The following ARHGEF4 variants were observed in gnomAD, a reference collection of about 807,000 sequenced individuals.
The protein encoded by ARHGEF4 is APC-stimulated guanine nucleotide exchange factor 1.
In ARHGEF4, 119 loss-of-function variants were observed where a neutral mutation model predicts 162.0. That is an observed-to-expected ratio of 0.73 (90% CI 0.63 to 0.86). The LOEUF (loss-of-function observed/expected upper bound fraction) is 0.86, where lower values mean the gene tolerates loss of function less well. ARHGEF4 is among the 40% of genes least tolerant of loss of function. ARHGEF4 has a pLI of 0.00. For missense variants in ARHGEF4, 2,488 were observed against 2,456.0 expected (o/e 1.01, Z -0.28); for synonymous variants, 1,014 against 979.9 (o/e 1.03, Z -0.65).
At chr2:130,908,246 T>C (rs1386276384) in intron 1 of ARHGEF4, among the ~76,000 whole-genome samples, 1 of 152,254 alleles carries the variant, frequency 6.6e-6, no homozygotes, top group African/African-American at 2.4e-5. Flanking sequence ...GACTTGACTC[T>C]CAGTTTAGAC....
chr2:131,011,816 G>T (rs1013998223), intron 4 of ARHGEF4: 4 of 759,666 alleles, frequency 5.3e-6, no homozygotes, highest in African/African-American at 5.1e-5. Context: ...ACCGCTCAGG[G>T]TATTGTGCAG....
chr2:131,038,276 A>G (rs1690453821), intron 5 of ARHGEF4, among the ~76,000 whole-genome samples: 1 of 144,266 alleles, frequency 6.9e-6, no homozygotes, highest in African/African-American at 2.6e-5. Context: ...GCAGCCTTGC[A>G]GCCCTCAGCC....
At chr2:130,924,281 CT>C (rs56004099) in intron 2 of ARHGEF4, among the ~76,000 whole-genome samples, 112,957 of 140,310 alleles carry the variant, frequency 0.81, 46,832 homozygotes, top group East Asian at 0.99. Flanking sequence ...GGCATAGTTC[CT>C]TTTTTTTTTT....
chr2:130,941,123 G>A (rs1031043002), intron 3 of ARHGEF4, among the ~76,000 whole-genome samples: 35 of 152,148 alleles, frequency 2.3e-4, no homozygotes, highest in South Asian at 6.2e-4. Context: ...CTGAGAAAAC[G>A]TTTTGTCAAA....
chr2:130,974,317 T>A (rs892858683), intron 4 of ARHGEF4, among the ~76,000 whole-genome samples: 1 of 151,960 alleles, frequency 6.6e-6, no homozygotes, highest in Non-Finnish European at 1.5e-5. Context: ...AGAACAATAC[T>A]TGGCTAACTA....
intron 1 of ARHGEF4, among the ~76,000 whole-genome samples, chr2:130,895,135 G>A (rs541017428): frequency 1.3e-5 from 2 of 152,216 alleles, no homozygotes; most frequent in East Asian, 1.9e-4. Context: ...GCCACTCACC[G>A]CTCTAGGTTT....
chr2:131,036,956 G>A (rs1690334635), intron 5 of ARHGEF4, among the ~76,000 whole-genome samples: 1 of 152,150 alleles, frequency 6.6e-6, no homozygotes, highest in Non-Finnish European at 1.5e-5. Context: ...CCTACCATAT[G>A]GTCGCCTGAG....
intron 5 of ARHGEF4, among the ~76,000 whole-genome samples, chr2:131,030,579 A>G (rs1365614666): frequency 6.6e-6 from 1 of 152,224 alleles, no homozygotes. Flanking sequence ...GCGATGCTGC[A>G]GGCTGGTGCT....
Position 131,040,396 on chromosome 2 carries a change from G to A in ARHGEF4, c.4618G>A (p.Glu1540Lys), listed in dbSNP as rs773963101. ...GGCCCTGGAGCAGAGGTTCAACCGC[G>A]AGCGCCCACACCTGAGCGAGCTGGG... The part of the protein sequence containing the change: ...VKALEQRFNR[E>K]RPHLSELGAC... Residue 1540 changes from glutamate to lysine, a missense_variant, in exon 8 of 14, where the codon GAG (glutamate) becomes AAG (lysine). Glu to Lys is a moderately conservative substitution (Grantham distance 56). Around this residue, in one of 6 missense-constraint regions of ARHGEF4, gnomAD observed 415 missense variants for 512.4 expected, o/e 0.81. Transcript: ENST00000409359. 13 of 1,607,840 alleles carry A rather than the reference G, an allele frequency of 8.1e-6. No homozygotes were observed. The East Asian group carries it at 2.5e-4, about 31-fold the overall frequency.
rs1222509490 is a variant in ARHGEF4, at chr2:130,883,789, G to T, written c.40-30197G>T. Among the ~76,000 whole-genome samples, 4 of 152,154 alleles carry T rather than the reference G, an allele frequency of 2.6e-5. 1 individual carries two copies. The highest frequency in any genetic ancestry group is 9.7e-5 in the African/African-American group (4 of 41,382). On this transcript the variant is annotated intron_variant, in intron 1 of 13. Transcript: ENST00000409359. ...AGAGGCCTTAGGAAACCAGTGTCCTGCCTCCTGGTGTCTGCAGGCAGATGG... is the reference window on the plus strand; with the variant it reads ...AGAGGCCTTAGGAAACCAGTGTCCTTCCTCCTGGTGTCTGCAGGCAGATGG...
At chr2:130,857,233 A>G (rs1681862388) in intron 1 of ARHGEF4, among the ~76,000 whole-genome samples, 1 of 149,988 alleles carries the variant, frequency 6.7e-6, no homozygotes, top group South Asian at 2.1e-4. Context: ...CTCCATCTCA[A>G]AAAAATAAAA....
intron 1 of ARHGEF4, among the ~76,000 whole-genome samples, chr2:130,884,664 C>A (rs566923818): frequency 6.6e-6 from 1 of 152,098 alleles, no homozygotes; most frequent in Admixed American, 6.5e-5. Context: ...ATTTAGAAAG[C>A]GATAACAAGT....
chr2:130,878,131 G>A (rs1431975362), intron 1 of ARHGEF4, among the ~76,000 whole-genome samples: 1 of 152,174 alleles, frequency 6.6e-6, no homozygotes, highest in East Asian at 1.9e-4. Context: ...AAAAATTTAA[G>A]AGCGAAATCA....
rs192719371 is a variant in ARHGEF4 at position 131,032,752 on chromosome 2, T to C, written c.4125+4668T>C. Among the ~76,000 whole-genome samples, 10 of 151,958 alleles carry C rather than the reference T, an allele frequency of 6.6e-5. No homozygotes were observed. In the East Asian group the frequency reaches 1.7e-3, roughly 27 times the overall value. ...CACCTCAGTCCTGCCACCAGCCTAG[T>C]TGGGCCACTCCCCTCCCTGGTGGGA... On this transcript the variant is annotated intron_variant, in intron 5 of 13. Transcript: ENST00000409359.
At chr2:131,004,796 A>G (rs1192243823) in intron 4 of ARHGEF4, among the ~76,000 whole-genome samples, 1 of 152,180 alleles carries the variant, frequency 6.6e-6, no homozygotes, top group Non-Finnish European at 1.5e-5. Flanking sequence ...CCTTCTGGCA[A>G]CCACATCTCT....
intron 12 of ARHGEF4, 53 bp from the exon 13 acceptor site, chr2:131,045,316 T>C (rs555401057): frequency 3.9e-6 from 6 of 1,551,558 alleles, no homozygotes; most frequent in Non-Finnish European, 5.3e-6. Flanking sequence ...TGCAGGGAAC[T>C]GCACCTGGGG....
intron 2 of ARHGEF4, among the ~76,000 whole-genome samples, chr2:130,930,037 G>C (rs1574250332): frequency 6.6e-6 from 1 of 151,792 alleles, no homozygotes; most frequent in Non-Finnish European, 1.5e-5. Context: ...GGGACTACAG[G>C]GCCCACCACC....
chr2:130,993,841 G>A (rs1373141234), intron 4 of ARHGEF4, among the ~76,000 whole-genome samples: 1 of 152,086 alleles, frequency 6.6e-6, no homozygotes, highest in African/African-American at 2.4e-5. Flanking sequence ...GAGTGCAATG[G>A]TGTGATCTTG....
intron 1 of ARHGEF4, among the ~76,000 whole-genome samples, chr2:130,838,144 T>G (rs1388940466): frequency 6.6e-6 from 1 of 152,200 alleles, no homozygotes; most frequent in East Asian, 1.9e-4. Context: ...GTGTAGGAGA[T>G]GGCTTGGAAG....
Sources: allele counts gnomAD v4.1 joint callset (sites outside exome capture counted in the v4.1 genomes callset), GRCh38; gene constraint gnomAD v4.1.1; regional missense constraint gnomAD v4.1.1; transcripts MANE v1.5; gene names NCBI Gene and HGNC (gene_info 2026-07-23, HGNC 2026-07-21).